The following ZNRF3 variants were observed in gnomAD, a reference collection of about 807,000 sequenced individuals.
ZNRF3 encodes the protein E3 ubiquitin-protein ligase ZNRF3.
A neutral mutation model predicts 72.5 loss-of-function variants in ZNRF3; 23 were observed. That is an observed-to-expected ratio of 0.32 (90% confidence interval 0.23 to 0.45). The LOEUF (loss-of-function observed/expected upper bound fraction) is 0.45, where lower values mean the gene tolerates loss of function less well. Among genes scored for constraint, ZNRF3 ranks in the 20% least tolerant of loss-of-function variants. The pLI is 1.00. For missense variants in ZNRF3, 1,169 were observed against 1,272.1 expected, an observed-to-expected ratio of 0.92 and a Z score of 1.23; for synonymous variants, 610 against 545.3, an observed-to-expected ratio of 1.12 and a Z score of -1.65.
intron 2 of ZNRF3, among the ~76,000 whole-genome samples, chr22:29,012,903 G>A (rs1413437791): frequency 6.6e-6 from 1 of 152,210 alleles, no homozygotes; most frequent in African/African-American, 2.4e-5. Flanking sequence ...CTCAGGGGAA[G>A]GGGCTAAGCT....
intron 1 of ZNRF3, among the ~76,000 whole-genome samples, chr22:28,967,684 T>C (rs1432910278): frequency 2.6e-5 from 4 of 151,936 alleles, no homozygotes; most frequent in African/African-American, 9.7e-5. Context: ...CCCAGCACTT[T>C]GGGAGGCTGA....
chr22:29,050,088 T>A lies in ZNRF3; in HGVS notation c.1907T>A (p.Val636Glu). Residue 636 changes from valine (V) to glutamate (E), a missense_variant, in exon 8 of 9, where the codon GTG becomes GAG. Physicochemically the swap from Val to Glu is moderately radical, Grantham distance 121. This residue lies in a region of ZNRF3 where 783 missense variants were observed against 731.4 expected (regional missense o/e 1.07). Coordinates refer to ENST00000544604, the MANE Select transcript of ZNRF3 (RefSeq NM_001206998.2). ...CCGCCTCCCGAGGAGCTCCCGGCGG[T>A]GCACAGTCATGGTGCTGGGCGGGGC... ...GSPPPEELPA[V>E]HSHGAGRGEP... 6.2e-7 allele frequency: 1 copy of A among 1,608,366 alleles called. No individual in the cohort carries two copies. The highest frequency in any genetic ancestry group is 8.5e-7 in the Non-Finnish European group (1 of 1,178,926).
intron 2 of ZNRF3, among the ~76,000 whole-genome samples, chr22:29,010,032 G>A (rs945674665): frequency 1.3e-5 from 2 of 150,756 alleles, no homozygotes; most frequent in Non-Finnish European, 2.9e-5. Context: ...TCAGCCTCCC[G>A]AGTAGCTGGG....
Position 29,050,905 on chromosome 22 carries a change from C to G in ZNRF3, c.2724C>G (p.Leu908=), listed in dbSNP as rs769844017. 3 of 1,559,976 alleles carry G rather than the reference C, an allele frequency of 1.9e-6. No individual in the cohort carries two copies. Among genetic ancestry groups the G allele is most frequent in the East Asian group, 2.2e-5 (1 of 44,526 alleles). The change falls in exon 8 of 9, where the codon CTC becomes CTG. Residue 908 remains leucine (L), a synonymous_variant. Coordinates refer to ENST00000544604, the MANE Select transcript of ZNRF3 (RefSeq NM_001206998.2). ...TCAGGGCCAACTTCCCTAGTGCCCT[C>G]CAGGACACTCAGGAGTCCAGCACCA... ...GAVRANFPSA[L]QDTQESSTTA... is the part of the protein sequence containing the mutation.
intron 1 of ZNRF3, among the ~76,000 whole-genome samples, chr22:28,952,789 T>G (rs975975633): frequency 6.6e-6 from 1 of 152,154 alleles, no homozygotes; most frequent in Non-Finnish European, 1.5e-5. Context: ...GAAGGTATAT[T>G]AGGTAATGAG....
At chr22:28,914,417 T>G (rs1452089862) in intron 1 of ZNRF3, among the ~76,000 whole-genome samples, 16 of 151,062 alleles carry the variant, frequency 1.1e-4, no homozygotes, top group Admixed American at 9.2e-4. Flanking sequence ...CCCATTGAGA[T>G]GCTAAGAGGA....
chr22:29,050,734 C>G lies in ZNRF3; in HGVS notation c.2553C>G (p.Ser851Arg), dbSNP rs1371466373. ...CCTCGGACTGCCAAGGGACCCACAG[C>G]CTCGGCTCCTGGGGTGGGACGCGAG... ...GLPSDCQGTH[S>R]LGSWGGTRGP... Residue 851 changes from serine (S) to arginine (R), a missense_variant, in exon 8 of 9, where the codon AGC becomes AGG. By Grantham distance (110) the Ser-to-Arg change is moderately radical (BLOSUM62 -1). This residue lies in a region of ZNRF3 where 783 missense variants were observed against 731.4 expected (regional missense o/e 1.07). Coordinates refer to ENST00000544604, the MANE Select transcript of ZNRF3 (RefSeq NM_001206998.2). 1.2e-6 allele frequency: 2 copies of G among 1,610,294 alleles called. No homozygotes were observed. Among genetic ancestry groups the G allele is most frequent in the Non-Finnish European group, 1.7e-6 (2 of 1,178,640 alleles).
At chr22:29,012,789 C>A (rs2036368120) in intron 2 of ZNRF3, among the ~76,000 whole-genome samples, 1 of 152,202 alleles carries the variant, frequency 6.6e-6, no homozygotes, top group African/African-American at 2.4e-5. Context: ...AACCACGACT[C>A]CATGCTGAGT....
chr22:29,005,926 C>G (rs533059105), intron 2 of ZNRF3, among the ~76,000 whole-genome samples: 1 of 151,742 alleles, frequency 6.6e-6, no homozygotes, highest in Admixed American at 6.6e-5. Flanking sequence ...TCTCAGCTAT[C>G]GGGAGGCTGA....
chr22:29,029,691 T>TTTTTTG (rs1010402927), intron 2 of ZNRF3, among the ~76,000 whole-genome samples: 1 of 152,054 alleles, frequency 6.6e-6, no homozygotes, highest in Non-Finnish European at 1.5e-5. Context: ...GGGCTCGAGT[T>TTTTTTG]TTTTTGTTTT....
intron 1 of ZNRF3, among the ~76,000 whole-genome samples, chr22:28,916,073 T>C (rs923974682): frequency 7.9e-5 from 12 of 152,196 alleles, no homozygotes; most frequent in African/African-American, 2.9e-4. Context: ...TTACATTTAA[T>C]TTTTTTGAGA....
At chr22:28,895,923 T>G (rs1249962436) in intron 1 of ZNRF3, among the ~76,000 whole-genome samples, 2 of 152,130 alleles carry the variant, frequency 1.3e-5, no homozygotes, top group Admixed American at 1.3e-4. Context: ...TGGGAGTGCC[T>G]TTTCTGGATT....
Position 29,044,839 on chromosome 22 carries a change from G to A in ZNRF3, c.693G>A (p.Leu231=). ...IFLAFFVVVS[L]VCLILLVKIK... ...TGGCTTTCTTCGTCGTGGTCTCCTT[G>A]GTCTGCCTCATCCTCCTTGTCAAAA... The change falls in exon 5 of 9, where the codon TTG becomes TTA. Residue 231 remains leucine (L), a synonymous_variant. Coordinates refer to ENST00000544604, the MANE Select transcript of ZNRF3 (RefSeq NM_001206998.2). The A allele has an allele frequency of 6.2e-7, 1 of 1,614,036 alleles. No individual in the cohort carries two copies. The highest frequency in any genetic ancestry group is 1.1e-5 in the South Asian group (1 of 91,070).
intron 1 of ZNRF3, among the ~76,000 whole-genome samples, chr22:28,898,889 AATT>A (rs1173335948): frequency 6.7e-6 from 1 of 148,168 alleles, no homozygotes; most frequent in Non-Finnish European, 1.5e-5. Flanking sequence ...GAAATTATTG[AATT>A]ATTGCTTAGT....
chr22:28,954,975 C>G (rs1475121675), intron 1 of ZNRF3, among the ~76,000 whole-genome samples: 1 of 150,682 alleles, frequency 6.6e-6, no homozygotes, highest in Non-Finnish European at 1.5e-5. Context: ...TTCTTGTCCA[C>G]TAAAAGATAT....
intron 1 of ZNRF3, among the ~76,000 whole-genome samples, chr22:28,935,376 G>A (rs1383878927): frequency 6.6e-6 from 1 of 152,206 alleles, no homozygotes; most frequent in Non-Finnish European, 1.5e-5. Flanking sequence ...CCCGTGTGGT[G>A]AAGCCTACTC....
intron 1 of ZNRF3, among the ~76,000 whole-genome samples, chr22:28,979,663 G>C (rs1431873875): frequency 6.6e-6 from 1 of 152,206 alleles, no homozygotes; most frequent in East Asian, 1.9e-4. Flanking sequence ...GCAGAGCAGA[G>C]ACCCAAGTGG....
rs1048672911 is a variant in ZNRF3, at chr22:28,885,625, C to G, written c.300+1559C>G. ...AAAAAAAAAAAAAAAGACGCTCTAG[C>G]GTGGCACTTGACTTTTTGAAGGAGA... On this transcript the variant is annotated intron_variant, in intron 1 of 8. Transcript: ENST00000544604. 4.1e-5 allele frequency among the ~76,000 whole-genome samples: 6 copies of G among 147,106 alleles called. No individual in the cohort carries two copies. In the South Asian group the frequency reaches 1.3e-3, roughly 31 times the overall value.
At chr22:28,946,223 TTATTTTGAGAA>T (rs1181006357) in intron 1 of ZNRF3, among the ~76,000 whole-genome samples, 1 of 152,218 alleles carries the variant, frequency 6.6e-6, no homozygotes, top group African/African-American at 2.4e-5. Flanking sequence ...CCCCCGAAAA[TTATTTTGAGAA>T]TATTTTGTCT....
Sources: allele counts gnomAD v4.1 joint callset (sites outside exome capture counted in the v4.1 genomes callset), GRCh38; gene constraint gnomAD v4.1.1; regional missense constraint gnomAD v4.1.1; transcripts MANE v1.5; gene names NCBI Gene and HGNC (gene_info 2026-07-23, HGNC 2026-07-21).